Variants in SUGCT observed in about 807,000 individuals in gnomAD.
SUGCT encodes succinyl-CoA:glutarate CoA-transferase.
SUGCT carries 41 observed loss-of-function variants against 55.0 expected under a neutral mutation model. That is an observed-to-expected ratio of 0.74 (90% confidence interval 0.58 to 0.97). SUGCT has a LOEUF of 0.97. SUGCT is among the 50% of genes least tolerant of loss of function. SUGCT has a pLI of 0.00. For synonymous variants in SUGCT, 187 were observed against 200.4 expected (o/e 0.93, Z 0.56); for missense variants, 568 against 547.8 (o/e 1.04, Z -0.37).
At chr7:40,647,335 A>G (rs1800570366) in intron 12 of SUGCT, among the ~76,000 whole-genome samples, 1 of 152,270 alleles carries the variant, frequency 6.6e-6, no homozygotes, top group South Asian at 2.1e-4. Flanking sequence ...ATCATACTGC[A>G]TTTCAGGAGA....
chr7:40,251,239 A>G (rs1790379468), intron 7 of SUGCT, among the ~76,000 whole-genome samples: 1 of 152,096 alleles, frequency 6.6e-6, no homozygotes, highest in African/African-American at 2.4e-5. Context: ...CCCTCTCTTC[A>G]CTTCCCAATT....
chr7:40,459,750 T>G (rs886410720), intron 11 of SUGCT, among the ~76,000 whole-genome samples: 1 of 152,228 alleles, frequency 6.6e-6, no homozygotes, highest in Non-Finnish European at 1.5e-5. Context: ...CATTGAGTTA[T>G]GGGTCATAAA....
chr7:40,475,947 C>A (rs1294486142), intron 11 of SUGCT, among the ~76,000 whole-genome samples: 1 of 152,072 alleles, frequency 6.6e-6, no homozygotes, highest in East Asian at 1.9e-4. Context: ...TTCATCCACC[C>A]TTTATTGCTC....
At chr7:40,695,167 TTTTATTTATTTATTTATTTATTTA>T (rs71560200) in intron 12 of SUGCT, among the ~76,000 whole-genome samples, 1 of 135,508 alleles carries the variant, frequency 7.4e-6, no homozygotes, top group South Asian at 2.5e-4. Context: ...AAACCCTTAT[TTTTATTTATTTATTTATTTATTTA>T]TTTATTTATT....
chr7:40,662,168 AT>A (rs1467643830), intron 12 of SUGCT, among the ~76,000 whole-genome samples: 1 of 152,134 alleles, frequency 6.6e-6, no homozygotes, highest in African/African-American at 2.4e-5. Context: ...GGTTTGTGAG[AT>A]TTTTTATTTT....
At chr7:40,291,097 T>C (rs111494653) in intron 8 of SUGCT, among the ~76,000 whole-genome samples, 66,371 of 151,632 alleles carry the variant, frequency 0.44, 15,858 homozygotes, top group African/African-American at 0.63. Flanking sequence ...GTCAGTGTGG[T>C]GATTCCTCAG....
intron 9 of SUGCT, among the ~76,000 whole-genome samples, chr7:40,367,183 T>C (rs1191972426): frequency 1.4e-5 from 2 of 146,016 alleles, no homozygotes; most frequent in Non-Finnish European, 3.0e-5. Flanking sequence ...CCAAACATCG[T>C]ATGTTCTCAC....
At chr7:40,353,829 C>A (rs1797758921) in intron 9 of SUGCT, among the ~76,000 whole-genome samples, 2 of 152,154 alleles carry the variant, frequency 1.3e-5, no homozygotes, top group African/African-American at 4.8e-5. Flanking sequence ...TTGTCACTTA[C>A]TTCTGATAAA....
intron 8 of SUGCT, among the ~76,000 whole-genome samples, chr7:40,288,675 A>G (rs1389681728): frequency 6.6e-6 from 1 of 151,982 alleles, no homozygotes; most frequent in Non-Finnish European, 1.5e-5. Flanking sequence ...TAGCCCCATT[A>G]AAAAAATAAA....
intron 13 of SUGCT, among the ~76,000 whole-genome samples, chr7:40,770,785 C>CT (rs1400781595): frequency 6.6e-6 from 1 of 152,108 alleles, no homozygotes; most frequent in Non-Finnish European, 1.5e-5. Context: ...TCTAGGAAGA[C>CT]TTTTTCCTAA....
intron 9 of SUGCT, among the ~76,000 whole-genome samples, chr7:40,376,420 T>C (rs1416663032): frequency 6.6e-6 from 1 of 151,876 alleles, no homozygotes; most frequent in Non-Finnish European, 1.5e-5. Flanking sequence ...GCTGGAGTCT[T>C]GCTCTGTCAC....
chr7:40,942,567 T>G, the SUGCT span, among the ~76,000 whole-genome samples: 1 of 152,174 alleles, frequency 6.6e-6, no homozygotes, highest in Non-Finnish European at 1.5e-5. Flanking sequence ...ATGAATATCT[T>G]AGGAGTTCTC....
chr7:40,230,034 C>T (rs1343515927), intron 6 of SUGCT, among the ~76,000 whole-genome samples: 1 of 152,152 alleles, frequency 6.6e-6, no homozygotes, highest in East Asian at 1.9e-4. Context: ...GAATATTAAT[C>T]TTAACCTTCT....
the SUGCT span, among the ~76,000 whole-genome samples, chr7:40,972,012 C>T: frequency 6.6e-6 from 1 of 151,920 alleles, no homozygotes; most frequent in Admixed American, 6.6e-5. Context: ...CTAGAGAAAG[C>T]TCTGGTTAAC....
At chr7:40,359,164 CATGTATGT>C (rs112419807) in intron 9 of SUGCT, among the ~76,000 whole-genome samples, 102 of 151,902 alleles carry the variant, frequency 6.7e-4, no homozygotes, top group African/African-American at 2.1e-3. Context: ...TATGTATGTA[CATGTATGT>C]ATGTATGTAT....
chr7:40,288,195 T>C (rs188356138), intron 8 of SUGCT, among the ~76,000 whole-genome samples: 48 of 152,252 alleles, frequency 3.2e-4, no homozygotes, highest in African/African-American at 1.1e-3. Context: ...TAGAAAGAGT[T>C]GAAAAGTATT....
At chr7:40,304,818 C>T (rs1321053672) in intron 8 of SUGCT, among the ~76,000 whole-genome samples, 1 of 151,458 alleles carries the variant, frequency 6.6e-6, no homozygotes. Flanking sequence ...GAGTAGTACA[C>T]CACATAAACA....
At chr7:40,244,207 A>G (rs1017749996) in intron 7 of SUGCT, among the ~76,000 whole-genome samples, 1 of 152,148 alleles carries the variant, frequency 6.6e-6, no homozygotes, top group Admixed American at 6.6e-5. Context: ...TATATAAAGT[A>G]TAAATGTGGT....
At chr7:40,271,383 T>G (rs1260068388) in intron 7 of SUGCT, among the ~76,000 whole-genome samples, 1 of 152,168 alleles carries the variant, frequency 6.6e-6, no homozygotes, top group Non-Finnish European at 1.5e-5. Flanking sequence ...CTCCCTTCAG[T>G]CTCCCAAAGT....
Sources: gnomAD v4.1 joint callset for allele counts (sites outside exome capture counted in the v4.1 genomes callset) on GRCh38, gnomAD v4.1.1 for gene constraint, MANE v1.5 for transcripts, NCBI Gene and HGNC (gene_info 2026-07-23, HGNC 2026-07-21) for gene names.